The following LMBRD1 variants were observed in gnomAD, a reference collection of about 807,000 sequenced individuals.
LMBRD1 encodes the protein LMBR1 domain containing 1, also known as lysosomal cobalamin transport escort protein LMBD1.
LMBRD1 carries 64 observed loss-of-function variants against 74.8 expected under a neutral mutation model. The observed-to-expected ratio is 0.86, with a 90% confidence interval of 0.70 to 1.05. The LOEUF is 1.05. Ranked by LOEUF, LMBRD1 falls within the 50% of genes least tolerant of loss-of-function variation. LMBRD1 has a pLI of 0.00. For synonymous variants in LMBRD1, 204 were observed against 216.3 expected, an observed-to-expected ratio of 0.94 and a Z score of 0.50; for missense variants, 652 against 645.9, an observed-to-expected ratio of 1.01 and a Z score of -0.10.
chr6:69,700,520 A>G (rs1241578486), intron 12 of LMBRD1, among the ~76,000 whole-genome samples: 3 of 151,780 alleles, frequency 2.0e-5, no homozygotes, highest in Non-Finnish European at 3.0e-5. Context: ...GCATTCCCCA[A>G]TTATAACAAC....
chr6:69,761,817 G>A (rs1016546510), intron 3 of LMBRD1, among the ~76,000 whole-genome samples: 1 of 151,718 alleles, frequency 6.6e-6, no homozygotes, highest in Non-Finnish European at 1.5e-5. Flanking sequence ...CTAGCTTGAG[G>A]TAACCACTGA....
intron 1 of LMBRD1, among the ~76,000 whole-genome samples, chr6:69,792,930 C>T (rs1387405797): frequency 6.6e-6 from 1 of 152,034 alleles, no homozygotes; most frequent in Non-Finnish European, 1.5e-5. Context: ...TCTCAGAATC[C>T]CTTTATAATG....
At chr6:69,732,795 C>T (rs796889257) in intron 7 of LMBRD1, among the ~76,000 whole-genome samples, 2 of 152,216 alleles carry the variant, frequency 1.3e-5, no homozygotes, top group Admixed American at 1.3e-4. Context: ...CTGGTCCATA[C>T]GATACATTTT....
rs980145400 is a variant in LMBRD1 at position 69,676,271 on chromosome 6, C to A, written c.1510G>T (p.Val504Leu). The A allele has an allele frequency of 8.7e-6, 14 of 1,612,140 alleles. No homozygotes were observed. The highest frequency in any genetic ancestry group is 1.3e-5 in the African/African-American group (1 of 74,822). Reference protein sequence around the residue: ...YYFGNWAFLGVFLIGLIVSCC... With the variant: ...YYFGNWAFLGLFLIGLIVSCC... Reference sequence around the variant, plus strand: ...GATACAATTAATCCAATCAAAAATACCTGTAAATTTAAATAAGCCATGTGT... The same window carrying A: ...GATACAATTAATCCAATCAAAAATAACTGTAAATTTAAATAAGCCATGTGT... The change falls in exon 16 of 16, where the codon GTA (valine) becomes TTA (leucine). Residue 504 changes from valine (V) to leucine (L), a missense_variant and splice_region_variant. Transcript: ENST00000649934.
chr6:69,763,965 C>T (rs1765426274), intron 3 of LMBRD1, among the ~76,000 whole-genome samples: 1 of 152,094 alleles, frequency 6.6e-6, no homozygotes, highest in Admixed American at 6.6e-5. Flanking sequence ...AATTATGACT[C>T]AGGATAAATT....
At position 69,788,389 on chromosome 6, in the gene LMBRD1, A is replaced by G. The variant is rs192156678; in HGVS notation, c.246+1907T>C. On this transcript the variant is annotated intron_variant, in intron 2 of 15. Transcript: ENST00000649934. ...AGAAAGAAAAATATCCTAGAAATTT[A>G]TAATTATGTACTGTACATTTGGAAG... Among the ~76,000 whole-genome samples, 287 of 152,258 alleles carry G rather than the reference A, an allele frequency of 1.9e-3. 1 individual carries two copies. The highest frequency in any genetic ancestry group is 3.7e-3 in the Non-Finnish European group (250 of 67,986).
chr6:69,773,660 CA>C (rs1042523350), intron 3 of LMBRD1, among the ~76,000 whole-genome samples: 3 of 151,052 alleles, frequency 2.0e-5, no homozygotes, highest in Non-Finnish European at 3.0e-5. Context: ...GTTTTAACAG[CA>C]AAAAAAAATT....
chr6:69,770,477 T>C (rs1449588156), intron 3 of LMBRD1, among the ~76,000 whole-genome samples: 2 of 152,198 alleles, frequency 1.3e-5, no homozygotes, highest in Non-Finnish European at 2.9e-5. Context: ...TTCATATTTG[T>C]TTTCTGGTGA....
intron 3 of LMBRD1, among the ~76,000 whole-genome samples, chr6:69,757,893 C>T (rs779040563): frequency 2.3e-4 from 35 of 152,030 alleles, no homozygotes; most frequent in Non-Finnish European, 3.8e-4. Flanking sequence ...CCACTAACAT[C>T]AAAGAACACA....
intron 7 of LMBRD1, among the ~76,000 whole-genome samples, chr6:69,728,146 C>G (rs1383043681): frequency 6.6e-6 from 1 of 152,054 alleles, no homozygotes; most frequent in Non-Finnish European, 1.5e-5. Context: ...GAAGCCAGCA[C>G]GTTATATGTT....
chr6:69,796,989 G>A lies in LMBRD1; in HGVS notation c.-108C>T, dbSNP rs1175848181. The A allele has an allele frequency of 2.1e-6, 2 of 940,956 alleles. No homozygotes were observed. The highest frequency in any genetic ancestry group is 2.6e-5 in the East Asian group (1 of 38,174). 58.3% of individuals were successfully genotyped at this position (940,956 alleles called of 1,614,324 possible). On this transcript the variant is annotated 5_prime_UTR_variant, in exon 1 of 16. Transcript: ENST00000649934. The stretch of plus-strand genomic sequence containing the variant: ...CACCCGCGCACCCTAAAGGTTAAAG[G>A]GGCGGAGGGGGAGGAGCAAGTGGTT...
intron 7 of LMBRD1, among the ~76,000 whole-genome samples, chr6:69,722,139 A>G (rs1766629485): frequency 6.6e-6 from 1 of 152,218 alleles, no homozygotes; most frequent in Non-Finnish European, 1.5e-5. Flanking sequence ...ACAGCATGAC[A>G]TACTTAAAGT....
At chr6:69,693,131 A>C (rs1366433627) in intron 14 of LMBRD1, among the ~76,000 whole-genome samples, 1 of 152,142 alleles carries the variant, frequency 6.6e-6, no homozygotes, top group African/African-American at 2.4e-5. Context: ...TAATTTGCTC[A>C]GTTGACTCAC....
At chr6:69,785,923 C>G (rs1283810840) in intron 2 of LMBRD1, among the ~76,000 whole-genome samples, 1 of 152,166 alleles carries the variant, frequency 6.6e-6, no homozygotes. Flanking sequence ...CCTAAAGGCT[C>G]TCTCCCTCTG....
intron 3 of LMBRD1, among the ~76,000 whole-genome samples, chr6:69,754,771 G>A (rs1765234776): frequency 6.6e-6 from 1 of 152,160 alleles, no homozygotes; most frequent in South Asian, 2.1e-4. Flanking sequence ...CCATCAAAAA[G>A]TGGGCAAAGG....
chr6:69,778,353 G>A (rs1765749198), intron 3 of LMBRD1, among the ~76,000 whole-genome samples: 1 of 152,170 alleles, frequency 6.6e-6, no homozygotes, highest in Admixed American at 6.5e-5. Context: ...ATCCTTGAGT[G>A]GATTGAGGAC....
chr6:69,713,878 A>G, intron 8 of LMBRD1, 81 bp from the exon 9 acceptor site: 2 of 1,516,990 alleles, frequency 1.3e-6, no homozygotes, highest in South Asian at 2.3e-5. Context: ...ATCAGGCAAC[A>G]AAACCTTTTC....
intron 3 of LMBRD1, among the ~76,000 whole-genome samples, chr6:69,773,712 C>G (rs1033125504): frequency 5.3e-5 from 8 of 152,102 alleles, no homozygotes; most frequent in African/African-American, 1.9e-4. Flanking sequence ...CTATGAACAT[C>G]CATACAATGG....
intron 2 of LMBRD1, among the ~76,000 whole-genome samples, chr6:69,789,180 T>C (rs543786161): frequency 6.6e-6 from 1 of 152,228 alleles, no homozygotes; most frequent in African/African-American, 2.4e-5. Context: ...CTAATTTTCA[T>C]AGTAATCAGA....
Sources: gnomAD v4.1 joint callset for allele counts (sites outside exome capture counted in the v4.1 genomes callset) on GRCh38, gnomAD v4.1.1 for gene constraint, MANE v1.5 for transcripts, NCBI Gene and HGNC (gene_info 2026-07-23, HGNC 2026-07-21) for gene names.